Variants in REEP2 observed in about 807,000 individuals in gnomAD.
REEP2 encodes receptor accessory protein 2.
A neutral mutation model predicts 32.1 loss-of-function variants in REEP2; 9 were observed. The ratio of observed to expected loss-of-function variants is 0.28; its 90% confidence interval spans 0.17 to 0.49. The LOEUF is 0.49. Ranked by LOEUF, REEP2 falls within the 20% of genes least tolerant of loss-of-function variation. The probability of loss-of-function intolerance (pLI) is 0.99; values close to 1 mark genes in which losing one functional copy is unlikely to be tolerated. For missense variants in REEP2, 236 were observed against 338.0 expected, an observed-to-expected ratio of 0.70 and a Z score of 2.37; for synonymous variants, 128 against 139.1, an observed-to-expected ratio of 0.92 and a Z score of 0.56.
chr5:138,443,085 C>A (rs1033650185), intron 3 of REEP2, among the ~76,000 whole-genome samples: 1 of 151,644 alleles, frequency 6.6e-6, no homozygotes, highest in African/African-American at 2.4e-5. Context: ...AATCCTGGCA[C>A]TTTGGGAAGC....
At position 138,441,926 on chromosome 5, in the gene REEP2, C is replaced by CA. The variant is rs879934443; in HGVS notation, c.182+475dup. ...TGGGCAACAGAGTGAGACTCCGTCT[C>CA]AAAAAAAAAACAAACAAACAAGGAG... On this transcript the variant is annotated intron_variant, in intron 3 of 7. Coordinates refer to ENST00000378339, the MANE Select transcript of REEP2 (RefSeq NM_001271803.2). The surrounding 1 kb of genome is among the most constrained non-coding windows in gnomAD (Gnocchi z 4.4). 0.029 allele frequency among the ~76,000 whole-genome samples: 4,172 copies of CA among 145,120 alleles called. 72 individuals carry two copies. The highest frequency in any genetic ancestry group is 0.033 in the Non-Finnish European group (2,170 of 65,776).
At chr5:138,445,619 T>C (rs765921964) in intron 7 of REEP2, 21 bp downstream of exon 7, 1 of 1,614,070 alleles carries the variant, frequency 6.2e-7, no homozygotes, top group East Asian at 2.2e-5. Flanking sequence ...TGGCCAGAGC[T>C]TGGGGAAACA....
chr5:138,445,618 C>G lies in REEP2; in HGVS notation c.696+20C>G, dbSNP rs377319295. ...GCTGAGGTGAGGGCACTGGCCAGAG[C>G]TTGGGGAAACAGGCAGGGGGTGGCG... On this transcript the variant is annotated intron_variant, in intron 7 of 7. Coordinates refer to ENST00000378339, the MANE Select transcript of REEP2 (RefSeq NM_001271803.2). The G allele has an allele frequency of 6.2e-7, 1 of 1,614,146 alleles. No individual in the cohort carries two copies. Among genetic ancestry groups the G allele is most frequent in the Non-Finnish European group, 8.5e-7 (1 of 1,179,996 alleles).
intron 3 of REEP2, chr5:138,443,919 AGAG>A (rs1181539326): frequency 6.5e-6 from 1 of 153,232 alleles, no homozygotes; most frequent in Non-Finnish European, 1.5e-5. Context: ...GTTTGTGACC[AGAG>A]GAGAAGGCAC....
At chr5:138,442,434 C>A (rs1050801292) in intron 3 of REEP2, among the ~76,000 whole-genome samples, 1 of 152,114 alleles carries the variant, frequency 6.6e-6, no homozygotes, top group Non-Finnish European at 1.5e-5. Flanking sequence ...GGGTAAAGGC[C>A]GGGTGTGGTG....
chr5:138,444,695 G>T, intron 4 of REEP2, 59 bp from the exon 5 acceptor site: 1 of 1,583,610 alleles, frequency 6.3e-7, no homozygotes, highest in Non-Finnish European at 8.6e-7. Context: ...CCTCTGTCCA[G>T]GGGTGAACAA....
rs1347925924 is a variant in REEP2, at chr5:138,441,499, G to T, written c.182+38G>T. ...GTCCCCTCCTGTATCTCAGGGCCCA[G>T]GGCCTCTGCCTTTCTCTACCCAGCC... is the stretch of plus-strand genomic sequence containing the variant. On this transcript the variant is annotated intron_variant, in intron 3 of 7. Coordinates refer to ENST00000378339, the MANE Select transcript of REEP2 (RefSeq NM_001271803.2). The surrounding 1 kb of genome is among the most constrained non-coding windows in gnomAD (Gnocchi z 4.4). 7.0e-6 allele frequency: 11 copies of T among 1,573,220 alleles called. No homozygotes were observed. The highest frequency in any genetic ancestry group is 2.7e-5 in the African/African-American group (2 of 74,118).
intron 1 of REEP2, chr5:138,439,646 A>G (rs1226547802): frequency 2.2e-6 from 1 of 464,286 alleles, no homozygotes. Context: ...GTGATGGAAG[A>G]GAGTGGAGCA....
rs575587465 is a variant in REEP2, at chr5:138,440,928, A to G, written c.33-88A>G. ...AGCGGGGAGTTCTGTCTCTCTTCCC[A>G]TTACTTACCCAGGGGCTGATGCGGA... is the stretch of plus-strand genomic sequence containing the variant. On this transcript the variant is annotated intron_variant, in intron 1 of 7. Transcript: ENST00000378339. 1.8e-4 allele frequency: 288 copies of G among 1,597,118 alleles called. 2 individuals carry two copies. In the Middle Eastern group the frequency reaches 8.5e-3, roughly 47 times the overall value.
At chr5:138,443,151 C>T (rs991386071) in intron 3 of REEP2, among the ~76,000 whole-genome samples, 1 of 151,780 alleles carries the variant, frequency 6.6e-6, no homozygotes, top group East Asian at 1.9e-4. Context: ...GGCAACATAG[C>T]AAGACCTGCC....
rs566469726 is a variant in REEP2 at position 138,441,337 on chromosome 5, T to A, written c.106-48T>A. On this transcript the variant is annotated intron_variant, in intron 2 of 7. Transcript: ENST00000378339. The surrounding 1 kb of genome is among the most constrained non-coding windows in gnomAD (Gnocchi z 4.4). Reference sequence around the variant, plus strand: ...GCAGAGCTGGGGTCCTGGGTGTCCCTGGCCCCTCAGCCCCGTGCCCCAGCC... The same window carrying A: ...GCAGAGCTGGGGTCCTGGGTGTCCCAGGCCCCTCAGCCCCGTGCCCCAGCC... The A allele has an allele frequency of 6.5e-7, 1 of 1,540,574 alleles. No individual in the cohort carries two copies. Among genetic ancestry groups the A allele is most frequent in the Admixed American group, 1.7e-5 (1 of 59,928 alleles).
chr5:138,445,316 G>A lies in REEP2; in HGVS notation c.506G>A (p.Arg169Lys), dbSNP rs766657817. The change falls in exon 6 of 8, where the codon AGG becomes AAG. Residue 169 changes from arginine to lysine, a missense_variant. Arg to Lys is a conservative substitution (Grantham distance 26). Transcript: ENST00000378339. ...GACGAGGACGCACTGCCCCTGCAGA[G>A]GCCTGACGGCCGCCTCCGACCCAGC... ...IRDEDALPLQ[R>K]PDGRLRPSPG... 5.0e-5 allele frequency: 81 copies of A among 1,613,536 alleles called. No homozygotes were observed. The highest frequency in any genetic ancestry group is 6.5e-5 in the Non-Finnish European group (77 of 1,179,972).
chr5:138,439,076 C>G lies in REEP2; in HGVS notation c.-133C>G, dbSNP rs1580973642. 6.7e-6 allele frequency: 2 copies of G among 297,244 alleles called. No individual in the cohort carries two copies. The highest frequency in any genetic ancestry group is 1.4e-4 in the South Asian group (1 of 7,044). 18.4% of individuals were successfully genotyped at this position (297,244 alleles called of 1,614,324 possible). A position where few individuals can be genotyped will look rare whatever the true frequency, so the allele number is the denominator to read the frequency against. ...AACGGCGGCGCTGGGCGCTCCGCTG[C>G]CCCCGCGGCGGCTGCTGCAGCGGCT... On this transcript the variant is annotated 5_prime_UTR_variant, in exon 1 of 8. Transcript: ENST00000378339.
intron 1 of REEP2, 47 bp downstream of exon 1, chr5:138,439,287 G>T: frequency 7.0e-7 from 1 of 1,427,056 alleles, no homozygotes. Context: ...GATGGAGGGC[G>T]GGGGTGTTAA....
Position 138,441,352 on chromosome 5 carries a change from G to C in REEP2, c.106-33G>C. 1 of 1,601,142 alleles carries C rather than the reference G, an allele frequency of 6.2e-7. No homozygotes were observed. The highest frequency in any genetic ancestry group is 8.6e-7 in the Non-Finnish European group (1 of 1,168,188). ...TGGGTGTCCCTGGCCCCTCAGCCCC[G>C]TGCCCCAGCCAGCGCTTCCCTCTGT... On this transcript the variant is annotated intron_variant, in intron 2 of 7. Transcript: ENST00000378339. This position sits in a 1 kb window ranked among gnomAD's most constrained non-coding sequence, Gnocchi z 4.4.
At chr5:138,445,178 C>A in intron 5 of REEP2, 50 bp from the exon 6 acceptor site, 1 of 1,534,626 alleles carries the variant, frequency 6.5e-7, no homozygotes, top group East Asian at 2.3e-5. Context: ...ACCTCTATCT[C>A]CACCCCGCCC....
Position 138,441,664 on chromosome 5 carries a change from C to T in REEP2, c.182+203C>T, listed in dbSNP as rs916009639. Among the ~76,000 whole-genome samples the T allele has an allele frequency of 6.6e-6, 1 of 152,126 alleles. No homozygotes were observed. Among genetic ancestry groups the T allele is most frequent in the Non-Finnish European group, 1.5e-5 (1 of 68,042 alleles). ...GTAGTGCCAGGCGAGGGGGCTCACA[C>T]CTGTAATCCCAGCACTTTGGGAGGT... On this transcript the variant is annotated intron_variant, in intron 3 of 7. Coordinates refer to ENST00000378339, the MANE Select transcript of REEP2 (RefSeq NM_001271803.2). The surrounding 1 kb of genome is among the most constrained non-coding windows in gnomAD (Gnocchi z 4.4).
At position 138,439,205 on chromosome 5, in the gene REEP2, C is replaced by A. The variant is rs765414844; in HGVS notation, c.-4C>A. On this transcript the variant is annotated 5_prime_UTR_variant, in exon 1 of 8. Coordinates refer to ENST00000378339, the MANE Select transcript of REEP2 (RefSeq NM_001271803.2). ...CCCCGCCCCGCGCCGCGCCCGGCCC[C>A]GCCATGGTGTCCTGGATCATCTCTC... The A allele has an allele frequency of 1.4e-6, 2 of 1,379,326 alleles. No homozygotes were observed. The highest frequency in any genetic ancestry group is 1.9e-6 in the Non-Finnish European group (2 of 1,067,220). 85.4% of individuals were successfully genotyped at this position (1,379,326 alleles called of 1,614,324 possible). A position where few individuals can be genotyped will look rare whatever the true frequency, so the allele number is the denominator to read the frequency against.
chr5:138,443,358 G>A (rs1763862581), intron 3 of REEP2, among the ~76,000 whole-genome samples: 1 of 151,308 alleles, frequency 6.6e-6, no homozygotes, highest in Non-Finnish European at 1.5e-5. Flanking sequence ...TACTCAGGAG[G>A]CTGAGGCAGA....
Sources: gnomAD v4.1 joint callset for allele counts (sites outside exome capture counted in the v4.1 genomes callset) on GRCh38, gnomAD v4.1.1 for gene constraint, Gnocchi (gnomAD v3.1) non-coding constraint, MANE v1.5 for transcripts, NCBI Gene and HGNC (gene_info 2026-07-23, HGNC 2026-07-21) for gene names.